MRE11: variants seen among roughly 807,000 people sequenced by gnomAD.
MRE11 encodes the protein double-strand break repair protein MRE11.
A neutral mutation model predicts 91.7 loss-of-function variants in MRE11; 62 were observed. The ratio of observed to expected loss-of-function variants is 0.68; its 90% CI spans 0.55 to 0.84. MRE11 has a LOEUF of 0.84. Among genes scored for constraint, MRE11 ranks in the 40% least tolerant of loss-of-function variants. The pLI is 0.00. For synonymous variants in MRE11, 273 were observed against 271.4 expected (o/e 1.01, Z -0.06); for missense variants, 796 against 852.9 (o/e 0.93, Z 0.83).
chr11:94,501,884 A>C, the MRE11 span, among the ~76,000 whole-genome samples: 1 of 152,162 alleles, frequency 6.6e-6, no homozygotes, highest in East Asian at 1.9e-4. Context: ...TTTCTTTAAT[A>C]CTTTAAAAAT....
intron 17 of MRE11, 28 bp downstream of exon 17, chr11:94,437,147 AAT>A: frequency 6.4e-7 from 1 of 1,566,550 alleles, no homozygotes; most frequent in Non-Finnish European, 8.8e-7. Flanking sequence ...ATAAATTATT[AAT>A]ACACAACCAT....
At chr11:94,476,972 G>A (rs1431393223) in intron 6 of MRE11, among the ~76,000 whole-genome samples, 1 of 151,884 alleles carries the variant, frequency 6.6e-6, no homozygotes, top group Admixed American at 6.6e-5. Flanking sequence ...TACCTGCCTT[G>A]GCCTCCCAAA....
Position 94,478,101 on chromosome 11 carries a change from A to C in MRE11, c.544+634T>G, listed in dbSNP as rs189565904. 6.6e-5 allele frequency among the ~76,000 whole-genome samples: 10 copies of C among 152,270 alleles called. No homozygotes were observed. The East Asian group carries it at 1.5e-3, about 23-fold the overall frequency. ...GTTAAGGAAGGTATAATAGAACAGG[A>C]TAAGATAAGAGTTTGGGAGAAAATG... On this transcript the variant is annotated intron_variant, in intron 6 of 19. Transcript: ENST00000323929.
intron 10 of MRE11, among the ~76,000 whole-genome samples, chr11:94,466,263 T>G (rs190863020): frequency 6.6e-6 from 1 of 152,322 alleles, no homozygotes; most frequent in East Asian, 1.9e-4. Context: ...ATAATTAAGT[T>G]ATTTTTAGCA....
At chr11:94,462,595 G>A (rs1255963484) in intron 11 of MRE11, among the ~76,000 whole-genome samples, 1 of 151,934 alleles carries the variant, frequency 6.6e-6, no homozygotes, top group African/African-American at 2.4e-5. Context: ...TAGACCAACG[G>A]AACAGAACAG....
chr11:94,506,828 G>C, the MRE11 span, among the ~76,000 whole-genome samples: 524 of 152,154 alleles, frequency 3.4e-3, 3 homozygotes, highest in South Asian at 7.1e-3. Flanking sequence ...GGCCTCAAGC[G>C]ATCCTCCTGC....
chr11:94,422,862 TGCCACCATGTCCG>T (rs1945209680), intron 19 of MRE11, among the ~76,000 whole-genome samples: 1 of 152,012 alleles, frequency 6.6e-6, no homozygotes, highest in Non-Finnish European at 1.5e-5. Flanking sequence ...TACAGGCATG[TGCCACCATGTCCG>T]GCTAATTTTG....
At chr11:94,476,522 AT>A (rs1946862473) in intron 6 of MRE11, 119 bp from the exon 7 acceptor site, 1 of 693,418 alleles carries the variant, frequency 1.4e-6, no homozygotes, top group Non-Finnish European at 2.5e-6. Flanking sequence ...TGGGAGATAT[AT>A]TTGAATTCTG....
the MRE11 span, among the ~76,000 whole-genome samples, chr11:94,501,381 A>G: frequency 6.6e-6 from 1 of 152,212 alleles, no homozygotes; most frequent in South Asian, 2.1e-4. Context: ...ATTGCATTTT[A>G]TGGCACACAA....
rs754498767 is a variant in MRE11, at chr11:94,459,402, A to AC, written c.1500+5dup. 16 of 1,613,734 alleles carry AC rather than the reference A, an allele frequency of 9.9e-6. No individual in the cohort carries two copies. The highest frequency in any genetic ancestry group is 1.3e-5 in the Non-Finnish European group (15 of 1,179,758). On this transcript the variant is annotated splice_donor_region_variant and intron_variant, in intron 13 of 19. Coordinates refer to ENST00000323929, the MANE Select transcript of MRE11 (RefSeq NM_005591.4). The stretch of plus-strand genomic sequence containing the variant: ...ATAGACCTAGACACTCAAATTAGTT[A>AC]CTTACCTCCTCATCGATTTTGTCTT...
upstream of MRE11, among the ~76,000 whole-genome samples, chr11:94,495,809 G>T (rs1033960291): frequency 5.3e-5 from 8 of 152,046 alleles, no homozygotes; most frequent in African/African-American, 9.7e-5. Flanking sequence ...TTATCATGTT[G>T]TCTTTGCCAG....
At chr11:94,470,240 C>T (rs936452728) in intron 9 of MRE11, among the ~76,000 whole-genome samples, 2 of 151,738 alleles carry the variant, frequency 1.3e-5, no homozygotes, top group Admixed American at 1.3e-4. Flanking sequence ...AAGAAAGAAA[C>T]TAGGAGAGAG....
the MRE11 span, among the ~76,000 whole-genome samples, chr11:94,507,800 C>CTTCA: frequency 9.5e-5 from 14 of 148,114 alleles, no homozygotes; most frequent in African/African-American, 3.5e-4. Flanking sequence ...TCATGAAGTG[C>CTTCA]TTCATCTTTC....
chr11:94,460,079 A>G (rs1192877334), intron 12 of MRE11, among the ~76,000 whole-genome samples: 3 of 152,162 alleles, frequency 2.0e-5, no homozygotes, highest in Non-Finnish European at 2.9e-5. Flanking sequence ...GGTTAGAGAG[A>G]TACAACATTG....
the MRE11 span, among the ~76,000 whole-genome samples, chr11:94,509,670 G>C: frequency 1.3e-5 from 2 of 152,186 alleles, no homozygotes; most frequent in Non-Finnish European, 1.5e-5. Flanking sequence ...TCGATCCCTT[G>C]ACCTCATGAT....
rs766363629 is a variant in MRE11, at chr11:94,479,771, A to C, written c.315-10T>G. ...GTTCACCCATGGAAACCTTAAAAAA[A>C]AAAAGTTACTTAAAATTTCCATACG... On this transcript the variant is annotated splice_polypyrimidine_tract_variant and intron_variant, in intron 4 of 19. Transcript: ENST00000323929. The C allele has an allele frequency of 6.2e-7, 1 of 1,609,178 alleles. No homozygotes were observed. Among genetic ancestry groups the C allele is most frequent in the South Asian group, 1.1e-5 (1 of 90,990 alleles).
intron 18 of MRE11, among the ~76,000 whole-genome samples, chr11:94,430,583 G>A (rs1221554889): frequency 1.3e-5 from 2 of 151,242 alleles, no homozygotes; most frequent in African/African-American, 2.4e-5. Flanking sequence ...CAGTTCAAGC[G>A]ATTCTCCTGC....
upstream of MRE11, chr11:94,498,424 GA>G (rs774975121): frequency 2.0e-5 from 32 of 1,613,558 alleles, no homozygotes; most frequent in Non-Finnish European, 2.4e-5. Flanking sequence ...AACCAGGGCT[GA>G]AAAACAACTT....
In MRE11 at chr11:94,464,148, T is replaced by G. The variant is rs372657126; in HGVS notation, c.1190A>C (p.His397Pro). 8 of 1,613,740 alleles carry G rather than the reference T, an allele frequency of 5.0e-6. No individual in the cohort carries two copies. In the Admixed American group the frequency reaches 1.2e-4, roughly 24 times the overall value. The change falls in exon 11 of 20, where the codon CAT becomes CCT. Residue 397 changes from histidine to proline, a missense_variant. His to Pro is a moderately conservative substitution (Grantham distance 77). Coordinates refer to ENST00000323929, the MANE Select transcript of MRE11 (RefSeq NM_005591.4). ...CTTTTGTTCTCTATGCCTGAAAAAA[T>G]GGATAATGTCTTTTGGATTAGCTAC... ...DRVANPKDII[H>P]FFRHREQKEK...
Sources: gnomAD v4.1 joint callset for allele counts (sites outside exome capture counted in the v4.1 genomes callset) on GRCh38, gnomAD v4.1.1 for gene constraint, MANE v1.5 for transcripts, NCBI Gene and HGNC (gene_info 2026-07-23, HGNC 2026-07-21) for gene names.